CTNNA3: variants seen among roughly 807,000 people sequenced by gnomAD.
The protein encoded by CTNNA3 is catenin alpha-3.
In CTNNA3, 76 loss-of-function variants were observed where a neutral mutation model predicts 95.7. The observed-to-expected ratio is 0.79, with a 90% CI of 0.66 to 0.96. CTNNA3 has a LOEUF of 0.96. Ranked by LOEUF, CTNNA3 falls within the 40% of genes least tolerant of loss-of-function variation. The pLI is 0.00. For missense variants in CTNNA3, 1,191 were observed against 1,089.8 expected, an observed-to-expected ratio of 1.09 and a Z score of -1.31; for synonymous variants, 431 against 374.4, an observed-to-expected ratio of 1.15 and a Z score of -1.74.
At chr10:67,634,911 A>G (rs1407122520) in intron 2 of CTNNA3, among the ~76,000 whole-genome samples, 6 of 152,288 alleles carry the variant, frequency 3.9e-5, no homozygotes, top group Non-Finnish European at 8.8e-5. Context: ...CAAGACAGAA[A>G]ATTAACAAAG....
intron 5 of CTNNA3, among the ~76,000 whole-genome samples, chr10:67,340,539 AT>A (rs1842147227): frequency 6.6e-6 from 1 of 152,240 alleles, no homozygotes; most frequent in Admixed American, 6.5e-5. Flanking sequence ...ACAGGCAAAG[AT>A]TGTCCTGAAT....
chr10:66,337,142 T>C (rs371704098), intron 12 of CTNNA3, among the ~76,000 whole-genome samples: 1 of 152,260 alleles, frequency 6.6e-6, no homozygotes, highest in African/African-American at 2.4e-5. Flanking sequence ...TTCTAATGGG[T>C]TTATCATAGT....
At chr10:66,375,230 A>G (rs1053958740) in intron 12 of CTNNA3, among the ~76,000 whole-genome samples, 1 of 141,062 alleles carries the variant, frequency 7.1e-6, no homozygotes, top group African/African-American at 2.7e-5. Context: ...CCCACATCAG[A>G]AAAAAAAAAA....
At chr10:66,016,087 A>G (rs142622473) in intron 15 of CTNNA3, among the ~76,000 whole-genome samples, 1,567 of 152,286 alleles carry the variant, frequency 0.01, 24 homozygotes, top group African/African-American at 0.035. Context: ...ATCAGATAGT[A>G]TCAGAGCTAG....
chr10:67,645,945 A>G (rs2133477659), intron 2 of CTNNA3, among the ~76,000 whole-genome samples: 2 of 148,188 alleles, frequency 1.3e-5, no homozygotes, highest in East Asian at 3.9e-4. Flanking sequence ...TTCTTCATAT[A>G]TATATATATA....
At chr10:66,460,364 T>C (rs2093520921) in intron 11 of CTNNA3, among the ~76,000 whole-genome samples, 1 of 152,214 alleles carries the variant, frequency 6.6e-6, no homozygotes, top group Non-Finnish European at 1.5e-5. Context: ...AATTAACTGG[T>C]GCATTGACCT....
At chr10:66,408,778 A>C (rs1356298231) in intron 11 of CTNNA3, among the ~76,000 whole-genome samples, 1 of 152,216 alleles carries the variant, frequency 6.6e-6, no homozygotes, top group South Asian at 2.1e-4. Flanking sequence ...TAAACATTTT[A>C]AAAGAACAGT....
At position 67,024,119 on chromosome 10, in the gene CTNNA3, C is replaced by T. The variant is rs1853201734; in HGVS notation, c.1047+156198G>A. On this transcript the variant is annotated intron_variant, in intron 7 of 17. Transcript: ENST00000433211. ...AGTCAAGTCAGCAGGACTGTGTTCC[C>T]TCCAGAGGTCTAGGGGAAAATATGT... Among the ~76,000 whole-genome samples, 3 of 152,222 alleles carry T rather than the reference C, an allele frequency of 2.0e-5. No individual in the cohort carries two copies. The South Asian group carries it at 6.2e-4, about 32-fold the overall frequency.
chr10:67,024,461 C>A (rs1157711510), intron 7 of CTNNA3, among the ~76,000 whole-genome samples: 1 of 152,180 alleles, frequency 6.6e-6, no homozygotes, highest in Non-Finnish European at 1.5e-5. Flanking sequence ...TGAAAGGTAA[C>A]ATAGTTGCAG....
chr10:67,553,900 C>A (rs898031025), intron 3 of CTNNA3, among the ~76,000 whole-genome samples: 1 of 152,210 alleles, frequency 6.6e-6, no homozygotes, highest in Non-Finnish European at 1.5e-5. Context: ...CTAATGCTAT[C>A]CCTCCCCGTT....
chr10:66,812,112 G>T (rs1055944149), intron 7 of CTNNA3, among the ~76,000 whole-genome samples: 2 of 151,970 alleles, frequency 1.3e-5, no homozygotes, highest in African/African-American at 2.4e-5. Context: ...TACCAACATG[G>T]GAAAATTCTC....
In CTNNA3 at chr10:66,981,445, C is replaced by T. The variant is rs73314119; in HGVS notation, c.1047+198872G>A. ...GAATTGCCACTGACCATATGACTTACCCATCCCCATTTCCATTTCCATTTA... is the reference window on the plus strand; with the variant it reads ...GAATTGCCACTGACCATATGACTTATCCATCCCCATTTCCATTTCCATTTA... On this transcript the variant is annotated intron_variant, in intron 7 of 17. Coordinates refer to ENST00000433211, the MANE Select transcript of CTNNA3 (RefSeq NM_013266.4). 7.4e-3 allele frequency among the ~76,000 whole-genome samples: 1,132 copies of T among 152,272 alleles called. 18 individuals carry two copies. Among genetic ancestry groups the T allele is most frequent in the African/African-American group, 0.026 (1,079 of 41,556 alleles).
chr10:67,397,731 C>A (rs914557435), intron 5 of CTNNA3, among the ~76,000 whole-genome samples: 3 of 152,226 alleles, frequency 2.0e-5, no homozygotes, highest in African/African-American at 7.2e-5. Flanking sequence ...ATAATGATTT[C>A]ATGGGCAGAG....
At chr10:67,189,409 C>G (rs141990628) in intron 6 of CTNNA3, among the ~76,000 whole-genome samples, 1 of 152,034 alleles carries the variant, frequency 6.6e-6, no homozygotes, top group Non-Finnish European at 1.5e-5. Flanking sequence ...TATTGCATAA[C>G]TTGGTAACTA....
chr10:67,404,972 A>C (rs1845080565), intron 5 of CTNNA3, among the ~76,000 whole-genome samples: 1 of 152,166 alleles, frequency 6.6e-6, no homozygotes, highest in African/African-American at 2.4e-5. Flanking sequence ...AAGCTTCATA[A>C]GAGAAGAAAT....
chr10:66,500,607 T>C (rs1468956285), intron 11 of CTNNA3, among the ~76,000 whole-genome samples: 1 of 152,086 alleles, frequency 6.6e-6, no homozygotes, highest in Non-Finnish European at 1.5e-5. Context: ...GTATGAAACA[T>C]AAAGTACATA....
Position 67,114,282 on chromosome 10 carries a change from C to A in CTNNA3, c.1047+66035G>T, listed in dbSNP as rs182901048. 6.8e-4 allele frequency among the ~76,000 whole-genome samples: 104 copies of A among 151,930 alleles called. No individual in the cohort carries two copies. The East Asian group carries it at 0.012, about 17-fold the overall frequency. ...TAAGTTAAAATTTTGGAATATAAGG[C>A]CTCTACATTTACATTTTAAAAATAT... On this transcript the variant is annotated intron_variant, in intron 7 of 17. Coordinates refer to ENST00000433211, the MANE Select transcript of CTNNA3 (RefSeq NM_013266.4).
chr10:67,237,366 T>A (rs142613626), intron 5 of CTNNA3, among the ~76,000 whole-genome samples: 2,653 of 150,972 alleles, frequency 0.018, 80 homozygotes, highest in African/African-American at 0.058. Context: ...TATAATGGAC[T>A]TTGGGGACTT....
intron 13 of CTNNA3, among the ~76,000 whole-genome samples, chr10:66,104,909 A>T (rs532960739): frequency 1.3e-5 from 2 of 152,202 alleles, no homozygotes; most frequent in Admixed American, 6.5e-5. Context: ...AGAGATGGGG[A>T]CATTTGATGA....
Sources: allele counts gnomAD v4.1 joint callset (sites outside exome capture counted in the v4.1 genomes callset), GRCh38; gene constraint gnomAD v4.1.1; transcripts MANE v1.5; gene names NCBI Gene and HGNC (gene_info 2026-07-23, HGNC 2026-07-21).